UACA: variants seen among roughly 807,000 people sequenced by gnomAD.
The protein encoded by UACA is nuclear membrane binding protein.
In UACA, 112 loss-of-function variants were observed where a neutral mutation model predicts 160.5. The ratio of observed to expected loss-of-function variants is 0.70; its 90% CI spans 0.60 to 0.82. The LOEUF is 0.82. UACA is among the 40% of genes least tolerant of loss of function. UACA has a pLI of 0.00. For synonymous variants in UACA, 557 were observed against 568.4 expected, an observed-to-expected ratio of 0.98 and a Z score of 0.29; for missense variants, 1,574 against 1,614.6, an observed-to-expected ratio of 0.97 and a Z score of 0.43.
intron 1 of UACA, among the ~76,000 whole-genome samples, chr15:70,712,676 A>G (rs1414061637): frequency 6.6e-6 from 1 of 152,202 alleles, no homozygotes; most frequent in Non-Finnish European, 1.5e-5. Context: ...ACATGCAGAA[A>G]TGGAGTCACT....
Position 70,718,028 on chromosome 15 carries a change from T to TACACACACAC in UACA, c.79-18378_79-18369dup, listed in dbSNP as rs140483075. Among the ~76,000 whole-genome samples the TACACACACAC allele has an allele frequency of 3.1e-3, 436 of 142,652 alleles. 3 individuals are homozygous for TACACACACAC. The highest frequency in any genetic ancestry group is 0.01 in the African/African-American group (387 of 37,828). The allele number at this position is 142,652 out of a possible 152,430, so 93.6% of individuals were successfully genotyped here. ...CAATTCCTTAAAATAAATTTCTTTATACACACACACACACACACACACACA... is the reference window on the plus strand; with the variant it reads ...CAATTCCTTAAAATAAATTTCTTTATACACACACACACACACACACACACACACACACACA... On this transcript the variant is annotated intron_variant, in intron 1 of 18. Coordinates refer to ENST00000322954, the MANE Select transcript of UACA (RefSeq NM_018003.4).
Position 70,669,149 on chromosome 15 carries a change from T to C in UACA, c.1535A>G (p.Lys512Arg). 1 of 1,614,116 alleles carries C rather than the reference T, an allele frequency of 6.2e-7. No homozygotes were observed. Among genetic ancestry groups the C allele is most frequent in the Non-Finnish European group, 8.5e-7 (1 of 1,180,012 alleles). ...AAAATGGGTCTGCATTTGTTTAACT[T>C]TACCTTCTGACTCATACATCCTCTT... The part of the protein sequence containing the change: ...VQKRMYESEG[K>R]VKQMQTHFLA... The change falls in exon 16 of 19, where the codon AAA (lysine) becomes AGA (arginine). Residue 512 changes from lysine to arginine, a missense_variant. By Grantham distance (26) the Lys-to-Arg change is conservative. Coordinates refer to ENST00000322954, the MANE Select transcript of UACA (RefSeq NM_018003.4).
intron 2 of UACA, 38 bp from the exon 3 acceptor site, chr15:70,695,143 A>C (rs1898084464): frequency 6.7e-7 from 1 of 1,483,014 alleles, no homozygotes; most frequent in African/African-American, 1.4e-5. Context: ...CTAAGGAAAC[A>C]ACCAAAGGTC....
chr15:70,743,792 G>A (rs1038539681), intron 1 of UACA, among the ~76,000 whole-genome samples: 7 of 152,162 alleles, frequency 4.6e-5, no homozygotes, highest in Admixed American at 3.3e-4. Flanking sequence ...GTGCCAAATC[G>A]TAATGCCTGG....
intron 1 of UACA, among the ~76,000 whole-genome samples, chr15:70,712,071 C>CATATATATATATAT (rs1487784734): frequency 5.6e-5 from 7 of 125,054 alleles, no homozygotes; most frequent in African/African-American, 1.4e-4. Context: ...TATATATCTC[C>CATATATATATATAT]ATATACCTTC....
chr15:70,684,819 T>C (rs1173815444), intron 7 of UACA, among the ~76,000 whole-genome samples: 1 of 152,176 alleles, frequency 6.6e-6, no homozygotes, highest in African/African-American at 2.4e-5. Context: ...GATTTTACTT[T>C]ATATTCATTG....
At chr15:70,745,394 G>A (rs988945280) in intron 1 of UACA, among the ~76,000 whole-genome samples, 12 of 150,576 alleles carry the variant, frequency 8.0e-5, no homozygotes, top group African/African-American at 2.7e-4. Context: ...GAGATCGTGC[G>A]TGCCACTGCA....
At chr15:70,712,230 A>C (rs1307851760) in intron 1 of UACA, among the ~76,000 whole-genome samples, 1 of 151,980 alleles carries the variant, frequency 6.6e-6, no homozygotes, top group Non-Finnish European at 1.5e-5. Context: ...GTGTAGACAG[A>C]AACCTAGATA....
intron 1 of UACA, among the ~76,000 whole-genome samples, chr15:70,749,481 A>C (rs1312375451): frequency 2.6e-5 from 4 of 151,320 alleles, no homozygotes; most frequent in African/African-American, 7.3e-5. Flanking sequence ...AGCCGAGATC[A>C]CGCCACCGCA....
At chr15:70,683,165 G>C (rs1023914286) in intron 8 of UACA, among the ~76,000 whole-genome samples, 19 of 151,978 alleles carry the variant, frequency 1.3e-4, no homozygotes, top group African/African-American at 4.6e-4. Context: ...AGACCAGCCT[G>C]GGCAACATAG....
At position 70,684,390 on chromosome 15, in the gene UACA, AT is replaced by A. The variant is rs747345977; in HGVS notation, c.658del (p.Ile220LeufsTer7). 6.2e-7 allele frequency: 1 copy of A among 1,613,850 alleles called. No individual in the cohort carries two copies. Among genetic ancestry groups the A allele is most frequent in the South Asian group, 1.1e-5 (1 of 91,034 alleles). On this transcript the variant is annotated frameshift_variant, in exon 8 of 19. Coordinates refer to ENST00000322954, the MANE Select transcript of UACA (RefSeq NM_018003.4). LOFTEE classifies it high-confidence loss of function. ...YGCRDAVEVL[I>X]KNGADISLLD... ...CAAGCTTATATCAGCACCATTTTTA[AT>A]TAAGACTTCTACTGCATCTCTGCAA...
chr15:70,682,625 G>A (rs1423371155), intron 9 of UACA, 133 bp downstream of exon 9: 9 of 439,394 alleles, frequency 2.0e-5, no homozygotes, highest in Admixed American at 8.9e-5. Flanking sequence ...GAATCTACAC[G>A]GGCTTGATTA....
chr15:70,707,648 C>G (rs1898559808), intron 1 of UACA, among the ~76,000 whole-genome samples: 1 of 151,026 alleles, frequency 6.6e-6, no homozygotes, highest in Non-Finnish European at 1.5e-5. Flanking sequence ...TACAAATAGC[C>G]AACAGGCATA....
chr15:70,657,588 C>G (rs1896525944), intron 18 of UACA, among the ~76,000 whole-genome samples: 1 of 151,986 alleles, frequency 6.6e-6, no homozygotes, highest in Non-Finnish European at 1.5e-5. Flanking sequence ...TGGCGAGACC[C>G]CATCTGAAAA....
chr15:70,743,121 C>CAA (rs1768297664), intron 1 of UACA, among the ~76,000 whole-genome samples: 1 of 152,204 alleles, frequency 6.6e-6, no homozygotes, highest in African/African-American at 2.4e-5. Context: ...TCTCTTAGCT[C>CAA]AAGACCTCTC....
At chr15:70,763,984 T>A (rs1334447635), upstream of UACA, among the ~76,000 whole-genome samples, 2 of 152,226 alleles carry the variant, frequency 1.3e-5, no homozygotes, top group Non-Finnish European at 2.9e-5. Flanking sequence ...AGCAACTTCT[T>A]TTCAGTCTCC....
rs924389167 is a variant in UACA at position 70,655,007 on chromosome 15, G to C, written c.*2049C>G. 1 of 152,178 alleles carries C rather than the reference G, an allele frequency of 6.6e-6. No individual in the cohort carries two copies. The highest frequency in any genetic ancestry group is 1.5e-5 in the Non-Finnish European group (1 of 68,036). The allele number at this position is 152,178 out of a possible 1,614,324, so 9.4% of individuals were successfully genotyped here. On this transcript the variant is annotated 3_prime_UTR_variant, in exon 19 of 19. Coordinates refer to ENST00000322954, the MANE Select transcript of UACA (RefSeq NM_018003.4). ...TGAATGAAAATGGGTATTCTCCCTT[G>C]TACTTTGGAGTCCATCGTTTCCTAC...
chr15:70,701,857 T>G lies in UACA; in HGVS notation c.79-2197A>C, dbSNP rs201182420. On this transcript the variant is annotated intron_variant, in intron 1 of 18. Transcript: ENST00000322954. ...TCTAACCAAGAATCTTTTGTTACAC[T>G]AGACTACTGGGATACCTACTCTGTT... is the stretch of plus-strand genomic sequence containing the variant. The G allele has an allele frequency of 3.7e-6, 6 of 1,603,844 alleles. No homozygotes were observed. The South Asian group carries it at 6.7e-5, about 18-fold the overall frequency.
At chr15:70,761,345 A>G (rs929470888) in intron 1 of UACA, among the ~76,000 whole-genome samples, 1 of 152,148 alleles carries the variant, frequency 6.6e-6, no homozygotes, top group Admixed American at 6.5e-5. Context: ...TTCCTTTCCA[A>G]TATTAAACCA....
Sources: gnomAD v4.1 joint callset for allele counts (sites outside exome capture counted in the v4.1 genomes callset) on GRCh38, gnomAD v4.1.1 for gene constraint, MANE v1.5 for transcripts, NCBI Gene and HGNC (gene_info 2026-07-23, HGNC 2026-07-21) for gene names.